The following PHC1 variants were observed in gnomAD, a reference collection of about 807,000 sequenced individuals.
The protein encoded by PHC1 is polyhomeotic homolog 1.
A neutral mutation model predicts 104.3 loss-of-function variants in PHC1; 12 were observed. The observed-to-expected ratio is 0.12, with a 90% CI of 0.07 to 0.19. The LOEUF (loss-of-function observed/expected upper bound fraction) is 0.19, where lower values mean the gene tolerates loss of function less well. Among genes scored for constraint, PHC1 ranks in the 10% least tolerant of loss-of-function variants. The probability of loss-of-function intolerance (pLI) is 1.00; values close to 1 mark genes in which losing one functional copy is unlikely to be tolerated. For synonymous variants in PHC1, 302 were observed against 455.8 expected, an observed-to-expected ratio of 0.66 and a Z score of 4.30; for missense variants, 671 against 1,200.0, an observed-to-expected ratio of 0.56 and a Z score of 6.51.
rs767602046 is a variant in PHC1 at position 8,927,852 on chromosome 12, G to GTT, written c.613-2580_613-2579dup. 3.2e-3 allele frequency among the ~76,000 whole-genome samples: 430 copies of GTT among 135,706 alleles called. 2 individuals carry two copies. The highest frequency in any genetic ancestry group is 0.012 in the African/African-American group (409 of 35,500). 89.0% of individuals were successfully genotyped at this position (135,706 alleles called of 152,430 possible). ...TATTATTTTAACCTGTACTGTACTAGTTTTCTTTCTTTCTTTCTTTCTTTC... is the reference window on the plus strand; with the variant it reads ...TATTATTTTAACCTGTACTGTACTAGTTTTTTCTTTCTTTCTTTCTTTCTTTC... On this transcript the variant is annotated intron_variant, in intron 6 of 14. Coordinates refer to ENST00000544916, the MANE Select transcript of PHC1 (RefSeq NM_004426.3).
rs1945771445 is a variant in PHC1 at position 8,934,267 on chromosome 12, A to G, written c.2042A>G (p.Glu681Gly). The G allele has an allele frequency of 6.2e-7, 1 of 1,611,998 alleles. No individual in the cohort carries two copies. The highest frequency in any genetic ancestry group is 1.1e-5 in the South Asian group (1 of 90,824). The change falls in exon 10 of 15, where the codon GAA becomes GGA. Residue 681 changes from glutamate (E) to glycine (G), a missense_variant and splice_region_variant. This residue lies in a region of PHC1 where 95 missense variants were observed against 108.8 expected (regional missense o/e 0.87). Transcript: ENST00000544916. ...KVMDEKSSLG[E>G]KAESVANVNA... ...TGCTTAATCTGTGTTTGTTTTCCAG[A>G]AAAAGCTGAATCAGTGGCTAATGTG...
chr12:8,935,279 C>A, intron 11 of PHC1, 41 bp downstream of exon 11: 2 of 1,069,732 alleles, frequency 1.9e-6, no homozygotes, highest in Non-Finnish European at 2.8e-6. Flanking sequence ...GAAGGAGACT[C>A]GTGGAGATGT....
chr12:8,934,880 T>C (rs896244400), intron 10 of PHC1, among the ~76,000 whole-genome samples: 1 of 152,074 alleles, frequency 6.6e-6, no homozygotes, highest in African/African-American at 2.4e-5. Context: ...CGTAGGAACC[T>C]GTTCTCCAAT....
chr12:8,918,791 A>G (rs1009473763), intron 2 of PHC1, among the ~76,000 whole-genome samples: 1 of 152,250 alleles, frequency 6.6e-6, no homozygotes, highest in Non-Finnish European at 1.5e-5. Context: ...TAAACCATAG[A>G]ATTACATTCA....
In PHC1 at chr12:8,932,564, C is replaced by T. The variant is rs1945717811; in HGVS notation, c.1107C>T (p.Ala369=). 1.2e-6 allele frequency: 2 copies of T among 1,613,270 alleles called. No homozygotes were observed. The highest frequency in any genetic ancestry group is 1.7e-5 in the Admixed American group (1 of 59,988). The change falls in exon 8 of 15, where the codon GCC becomes GCT. Residue 369 remains alanine, a splice_region_variant and synonymous_variant. Coordinates refer to ENST00000544916, the MANE Select transcript of PHC1 (RefSeq NM_004426.3). ...TGTATTCTGGGATTGTTCCTATAGC[C>T]ACCTACACACAGATCCAGCCCCATT... ...PAPSQTLISS[A]TYTQIQPHSL... is the part of the protein sequence containing the mutation.
intron 2 of PHC1, among the ~76,000 whole-genome samples, chr12:8,918,540 C>T (rs1256399721): frequency 6.6e-6 from 1 of 151,900 alleles, no homozygotes; most frequent in Non-Finnish European, 1.5e-5. Context: ...TGCAGTGGTG[C>T]GATCAGTGCT....
rs183062433 is a variant in PHC1 at position 8,937,381 on chromosome 12, C to T, written c.2628+55C>T. On this transcript the variant is annotated intron_variant, in intron 13 of 14. Coordinates refer to ENST00000544916, the MANE Select transcript of PHC1 (RefSeq NM_004426.3). ...TTTAAACTGGGTCTTTTTTTCTTTCCCTGCAGGGCAATTCATTTGCCCAGG... is the reference window on the plus strand; with the variant it reads ...TTTAAACTGGGTCTTTTTTTCTTTCTCTGCAGGGCAATTCATTTGCCCAGG... The T allele has an allele frequency of 9.7e-4, 1,422 of 1,463,146 alleles. 1 individual carries two copies. Among genetic ancestry groups the T allele is most frequent in the Non-Finnish European group, 1.2e-3 (1,317 of 1,093,678 alleles). 90.6% of individuals were successfully genotyped at this position (1,463,146 alleles called of 1,614,324 possible).
chr12:8,921,791 TTGTC>T (rs1166854700), intron 5 of PHC1, 41 bp downstream of exon 5: 5 of 1,529,542 alleles, frequency 3.3e-6, no homozygotes, highest in South Asian at 1.3e-5. Flanking sequence ...AGAGGCATAA[TTGTC>T]TGGCCCTGGC....
Position 8,937,183 on chromosome 12 carries a change from G to A in PHC1, c.2485G>A (p.Val829Met). The A allele has an allele frequency of 6.2e-7, 1 of 1,611,336 alleles. No homozygotes were observed. The highest frequency in any genetic ancestry group is 2.2e-5 in the East Asian group (1 of 44,882). The change falls in exon 13 of 15, where the codon GTG becomes ATG. Residue 829 changes from valine (V) to methionine (M), a missense_variant. By Grantham distance (21) the Val-to-Met change is conservative. Transcript: ENST00000544916. ...ATATGCCCTGTCCTGTAGGTACAATGTGAGCTGTAGCCATCAGTTCCGGCT... is the reference window on the plus strand; with the variant it reads ...ATATGCCCTGTCCTGTAGGTACAATATGAGCTGTAGCCATCAGTTCCGGCT... ...CSMTCAKRYNVSCSHQFRLKR... is the reference protein window; with the variant it reads ...CSMTCAKRYNMSCSHQFRLKR...
intron 1 of PHC1, chr12:8,915,258 C>G (rs1945168302): frequency 6.5e-6 from 1 of 152,708 alleles, no homozygotes; most frequent in Non-Finnish European, 1.5e-5. Context: ...TGGATCCACC[C>G]CCTTCCCCCA....
At chr12:8,915,652 A>G (rs757474351) in intron 1 of PHC1, 9 of 151,032 alleles carry the variant, frequency 6.0e-5, no homozygotes, top group Non-Finnish European at 1.2e-4. Flanking sequence ...TAATTTGGAA[A>G]ATTTTGATAC....
intron 1 of PHC1, among the ~76,000 whole-genome samples, chr12:8,916,377 CA>C (rs973484528): frequency 2.0e-5 from 3 of 152,258 alleles, no homozygotes; most frequent in African/African-American, 7.2e-5. Flanking sequence ...AAACTGTTGA[CA>C]ACACTTAGCA....
chr12:8,933,521 T>C (rs1945750446), intron 8 of PHC1, 171 bp downstream of exon 8: 1 of 928,444 alleles, frequency 1.1e-6, no homozygotes, highest in African/African-American at 1.7e-5. Context: ...CTGAACTTTA[T>C]ACTCCTAAAT....
chr12:8,936,130 C>T (rs1945831202), intron 11 of PHC1, among the ~76,000 whole-genome samples: 1 of 152,018 alleles, frequency 6.6e-6, no homozygotes, highest in Non-Finnish European at 1.5e-5. Flanking sequence ...CCTATAATTC[C>T]AGTACTTTGG....
intron 1 of PHC1, among the ~76,000 whole-genome samples, chr12:8,915,462 A>G: frequency 6.6e-6 from 1 of 151,536 alleles, no homozygotes; most frequent in Non-Finnish European, 1.5e-5. Context: ...GCTTAGGGAT[A>G]TTGACTTTCT....
At chr12:8,918,733 G>A (rs996518208) in intron 2 of PHC1, among the ~76,000 whole-genome samples, 2 of 152,154 alleles carry the variant, frequency 1.3e-5, no homozygotes, top group Admixed American at 6.6e-5. Context: ...GGAGAAACAA[G>A]TTTGTATAAA....
chr12:8,939,234 A>C, intron 14 of PHC1, 71 bp from the exon 15 acceptor site: 1 of 1,560,810 alleles, frequency 6.4e-7, no homozygotes. Context: ...TCATTGCTAG[A>C]CCTCAGTTTC....
At chr12:8,933,661 G>A (rs150888739) in intron 8 of PHC1, 11 of 611,924 alleles carry the variant, frequency 1.8e-5, no homozygotes, top group Non-Finnish European at 2.8e-5. Context: ...CAAGACCTAG[G>A]TCAGGACTAA....
chr12:8,931,006 T>C (rs1945668491), intron 7 of PHC1, 79 bp downstream of exon 7: 2 of 1,457,482 alleles, frequency 1.4e-6, no homozygotes, highest in South Asian at 1.4e-5. Flanking sequence ...TGCCTTTTTT[T>C]CTTTGCCTTT....
Sources: gnomAD v4.1 joint callset for allele counts (sites outside exome capture counted in the v4.1 genomes callset) on GRCh38, gnomAD v4.1.1 for gene constraint, gnomAD v4.1.1 regional missense constraint, MANE v1.5 for transcripts, NCBI Gene and HGNC (gene_info 2026-07-23, HGNC 2026-07-21) for gene names.